CCDC148: variants seen among roughly 807,000 people sequenced by gnomAD.
CCDC148 encodes the protein coiled-coil domain-containing protein 148.
Under a neutral mutation model 85.7 loss-of-function variants are expected in CCDC148, and 89 were observed. That is an observed-to-expected ratio of 1.04 (90% CI 0.87 to 1.24). The LOEUF (loss-of-function observed/expected upper bound fraction) is 1.24, where lower values mean the gene tolerates loss of function less well. CCDC148 is among the 50% of genes most tolerant of loss of function. The pLI, the probability that CCDC148 is intolerant of heterozygous loss-of-function variation, is 0.00. For synonymous variants in CCDC148, 230 were observed against 213.9 expected (o/e 1.08, Z -0.66); for missense variants, 692 against 671.7 (o/e 1.03, Z -0.33).
At chr2:158,287,557 G>A (rs985912694) in intron 9 of CCDC148, among the ~76,000 whole-genome samples, 2 of 152,114 alleles carry the variant, frequency 1.3e-5, no homozygotes, top group African/African-American at 4.8e-5. Flanking sequence ...ATCCAGCAGG[G>A]TAGTCAAATC....
At chr2:158,268,578 A>C (rs1020288793) in intron 9 of CCDC148, among the ~76,000 whole-genome samples, 5 of 152,166 alleles carry the variant, frequency 3.3e-5, no homozygotes, top group Non-Finnish European at 7.3e-5. Context: ...CTCACCTAGT[A>C]ACCCTTTTTG....
At chr2:158,215,993 C>T (rs1686832320) in intron 11 of CCDC148, among the ~76,000 whole-genome samples, 1 of 152,148 alleles carries the variant, frequency 6.6e-6, no homozygotes, top group Non-Finnish European at 1.5e-5. Flanking sequence ...GGCTTCTAGC[C>T]TCCAGAATAG....
chr2:158,409,334 T>A (rs2543648), intron 1 of CCDC148, among the ~76,000 whole-genome samples: 1 of 152,180 alleles, frequency 6.6e-6, no homozygotes, highest in South Asian at 2.1e-4. Flanking sequence ...CAGGAGAGGG[T>A]CTATATCCTA....
chr2:158,381,965 G>A (rs1684890451), intron 1 of CCDC148, among the ~76,000 whole-genome samples: 1 of 152,144 alleles, frequency 6.6e-6, no homozygotes. Context: ...CAACGTGTCT[G>A]TATTAAGAGT....
At chr2:158,297,349 A>T (rs1405299915) in intron 9 of CCDC148, among the ~76,000 whole-genome samples, 1 of 152,170 alleles carries the variant, frequency 6.6e-6, no homozygotes. Context: ...AGATGTTGAC[A>T]TATCATTATT....
At chr2:158,437,008 C>T (rs1442285261) in intron 1 of CCDC148, among the ~76,000 whole-genome samples, 2 of 152,094 alleles carry the variant, frequency 1.3e-5, no homozygotes, top group African/African-American at 2.4e-5. Flanking sequence ...CAAAAAAAGT[C>T]CAGGACCAGA....
At position 158,354,846 on chromosome 2, in the gene CCDC148, C is replaced by T. The variant is rs949716494; in HGVS notation, c.147+3603G>A. Among the ~76,000 whole-genome samples the T allele has an allele frequency of 8.1e-4, 123 of 151,146 alleles. 1 individual carries two copies. The highest frequency in any genetic ancestry group is 2.7e-3 in the African/African-American group (111 of 41,272). On this transcript the variant is annotated intron_variant, in intron 2 of 13. Transcript: ENST00000283233. ...AATCCTCAATAAAATACTGGCAAAA[C>T]GAATCCAGCAGCACATCAAAAAGCT... is the stretch of plus-strand genomic sequence containing the variant.
At chr2:158,410,517 C>T (rs922677323) in intron 1 of CCDC148, among the ~76,000 whole-genome samples, 3 of 151,978 alleles carry the variant, frequency 2.0e-5, no homozygotes, top group Non-Finnish European at 2.9e-5. Flanking sequence ...TTTTGTGTAT[C>T]AATTATAGGT....
At chr2:158,269,579 A>G (rs1689612043) in intron 9 of CCDC148, among the ~76,000 whole-genome samples, 1 of 152,174 alleles carries the variant, frequency 6.6e-6, no homozygotes, top group African/African-American at 2.4e-5. Context: ...ACTGGTGGAG[A>G]GAAGCTGATG....
rs927288225 is a variant in CCDC148 at position 158,373,303 on chromosome 2, C to T, written c.26-14733G>A. Among the ~76,000 whole-genome samples, 5 of 152,106 alleles carry T rather than the reference C, an allele frequency of 3.3e-5. No homozygotes were observed. The South Asian group carries it at 1.0e-3, about 32-fold the overall frequency. On this transcript the variant is annotated intron_variant, in intron 1 of 13. Transcript: ENST00000283233. ...AGGCTCCAAAGGAATACAGCCCTGCCCACAGCTTGCTGTTATTTTGGATGT... is the reference window on the plus strand; with the variant it reads ...AGGCTCCAAAGGAATACAGCCCTGCTCACAGCTTGCTGTTATTTTGGATGT...
intron 1 of CCDC148, among the ~76,000 whole-genome samples, chr2:158,449,454 C>CTT (rs34470476): frequency 2.4e-4 from 36 of 147,844 alleles, no homozygotes; most frequent in East Asian, 1.0e-3. Context: ...TCCTTGGTTT[C>CTT]TTTTTTTTTT....
intron 10 of CCDC148, among the ~76,000 whole-genome samples, chr2:158,249,527 T>C (rs1405842535): frequency 1.3e-5 from 2 of 152,150 alleles, no homozygotes; most frequent in African/African-American, 4.8e-5. Flanking sequence ...TCAAATTCCT[T>C]TTTGAATTAA....
chr2:158,407,340 A>G (rs1559125160), intron 1 of CCDC148, among the ~76,000 whole-genome samples: 1 of 152,016 alleles, frequency 6.6e-6, no homozygotes, highest in Non-Finnish European at 1.5e-5. Context: ...TCCTTCCCCC[A>G]GGCATCTTCC....
At chr2:158,265,904 T>C (rs1689431751) in intron 9 of CCDC148, among the ~76,000 whole-genome samples, 1 of 152,124 alleles carries the variant, frequency 6.6e-6, no homozygotes, top group African/African-American at 2.4e-5. Flanking sequence ...TAGACTTCTT[T>C]TTCTCCATTA....
intron 10 of CCDC148, among the ~76,000 whole-genome samples, chr2:158,232,754 C>T (rs763069623): frequency 2.1e-4 from 32 of 152,042 alleles, no homozygotes; most frequent in African/African-American, 6.3e-4. Context: ...TCCCCATAAG[C>T]CATTAAGATA....
At chr2:158,210,271 A>G (rs1387867039) in intron 11 of CCDC148, among the ~76,000 whole-genome samples, 1 of 152,176 alleles carries the variant, frequency 6.6e-6, no homozygotes, top group Non-Finnish European at 1.5e-5. Flanking sequence ...GCTATCCTAA[A>G]TATATATGCA....
intron 9 of CCDC148, among the ~76,000 whole-genome samples, chr2:158,252,637 C>A (rs1258770656): frequency 6.6e-6 from 1 of 151,604 alleles, no homozygotes; most frequent in Non-Finnish European, 1.5e-5. Flanking sequence ...CATTTCTCTC[C>A]CCTGTTTCTC....
intron 1 of CCDC148, among the ~76,000 whole-genome samples, chr2:158,369,992 C>G (rs1559104681): frequency 1.3e-5 from 2 of 151,994 alleles, no homozygotes; most frequent in Non-Finnish European, 2.9e-5. Flanking sequence ...GTTGAACCAG[C>G]CTTTCATCCT....
At chr2:158,276,164 C>T (rs1182160903) in intron 9 of CCDC148, among the ~76,000 whole-genome samples, 1 of 152,166 alleles carries the variant, frequency 6.6e-6, no homozygotes, top group Non-Finnish European at 1.5e-5. Context: ...GCCTCAGTGG[C>T]TCACGCCTGT....
Sources: allele counts gnomAD v4.1 joint callset (sites outside exome capture counted in the v4.1 genomes callset), GRCh38; gene constraint gnomAD v4.1.1; transcripts MANE v1.5; gene names NCBI Gene and HGNC (gene_info 2026-07-23, HGNC 2026-07-21).